The following CORO2B variants were observed in gnomAD, a reference collection of about 807,000 sequenced individuals.
The protein encoded by CORO2B is coronin-2B.
CORO2B carries 26 observed loss-of-function variants against 58.8 expected under a neutral mutation model. The ratio of observed to expected loss-of-function variants is 0.44; its 90% CI spans 0.32 to 0.61. CORO2B has a LOEUF of 0.61. Ranked by LOEUF, CORO2B falls within the 20% of genes least tolerant of loss-of-function variation. CORO2B has a pLI of 0.04. For missense variants in CORO2B, 460 were observed against 645.1 expected, an observed-to-expected ratio of 0.71 and a Z score of 3.11; for synonymous variants, 242 against 253.8, an observed-to-expected ratio of 0.95 and a Z score of 0.44.
chr15:68,536,932 T>A, the CORO2B span, among the ~76,000 whole-genome samples: 1 of 152,216 alleles, frequency 6.6e-6, no homozygotes, highest in Non-Finnish European at 1.5e-5. Flanking sequence ...GAAGTGATGC[T>A]GGCAGGGAAA....
At chr15:68,721,567 G>A (rs960623439) in intron 11 of CORO2B, among the ~76,000 whole-genome samples, 8 of 152,028 alleles carry the variant, frequency 5.3e-5, no homozygotes, top group East Asian at 1.9e-4. Flanking sequence ...TTAGCCAGGC[G>A]TGGTGGTGCG....
chr15:68,715,858 T>C (rs1893020077), intron 8 of CORO2B, among the ~76,000 whole-genome samples: 1 of 152,224 alleles, frequency 6.6e-6, no homozygotes, highest in African/African-American at 2.4e-5. Flanking sequence ...ACTAAAAGTC[T>C]TACAACCAAT....
chr15:68,534,907 G>C, the CORO2B span, among the ~76,000 whole-genome samples: 1 of 152,190 alleles, frequency 6.6e-6, no homozygotes, highest in African/African-American at 2.4e-5. Context: ...CCATGCAAAA[G>C]GGGTTTCCCT....
At chr15:68,554,274 A>C in the CORO2B span, among the ~76,000 whole-genome samples, 1 of 152,134 alleles carries the variant, frequency 6.6e-6, no homozygotes, top group Non-Finnish European at 1.5e-5. Flanking sequence ...CCATTGTGGA[A>C]GGACCCTCCA....
chr15:68,579,339 T>TGCGGGGGGC (rs1440833591), intron 1 of CORO2B, 62 bp downstream of exon 1: 4 of 1,237,876 alleles, frequency 3.2e-6, no homozygotes, highest in Non-Finnish European at 4.0e-6. Flanking sequence ...CGGGCTAGGC[T>TGCGGGGGGC]GCGGGGGGCG....
rs1468161566 is a variant in CORO2B at position 68,645,243 on chromosome 15, G to T, written c.99G>T (p.Gly33=). Residue 33 remains glycine, a synonymous_variant, in exon 2 of 12, where the codon GGG becomes GGT. Coordinates refer to ENST00000261861, the MANE Select transcript of CORO2B (RefSeq NM_006091.5). This position sits in a 1 kb window ranked among gnomAD's most constrained non-coding sequence, Gnocchi z 4.5. ...CCAACCGGGAGCACTGCTTCGATGGGATCCCCATCACCAAGAATGTGCACG... is the reference window on the plus strand; with the variant it reads ...CCAACCGGGAGCACTGCTTCGATGGTATCCCCATCACCAAGAATGTGCACG... ...KVANREHCFD[G]IPITKNVHDN... is the part of the protein sequence containing the mutation. 6.2e-6 allele frequency: 10 copies of T among 1,614,042 alleles called. No individual in the cohort carries two copies. Among genetic ancestry groups the T allele is most frequent in the Non-Finnish European group, 8.5e-6 (10 of 1,180,046 alleles).
At chr15:68,602,099 G>A (rs935473036) in intron 1 of CORO2B, among the ~76,000 whole-genome samples, 5 of 150,572 alleles carry the variant, frequency 3.3e-5, no homozygotes, top group African/African-American at 7.4e-5. Flanking sequence ...GATCTGCCTC[G>A]AATACTATCA....
the CORO2B span, among the ~76,000 whole-genome samples, chr15:68,569,151 A>G: frequency 7.9e-5 from 12 of 152,334 alleles, no homozygotes; most frequent in African/African-American, 2.4e-4. Context: ...ATTATCACCC[A>G]GAGTCCAGAG....
chr15:68,580,542 A>G (rs1241024738), intron 1 of CORO2B, among the ~76,000 whole-genome samples: 2 of 152,122 alleles, frequency 1.3e-5, no homozygotes, highest in African/African-American at 4.8e-5. Flanking sequence ...AAACTTTGCC[A>G]TTGGCCCTGG....
the CORO2B span, among the ~76,000 whole-genome samples, chr15:68,560,234 C>G: frequency 6.6e-6 from 1 of 152,070 alleles, no homozygotes; most frequent in South Asian, 2.1e-4. Flanking sequence ...TCATTGTTTT[C>G]TTCCTTTCTT....
intron 1 of CORO2B, among the ~76,000 whole-genome samples, chr15:68,609,135 G>T (rs1343564635): frequency 6.6e-6 from 1 of 152,186 alleles, no homozygotes; most frequent in African/African-American, 2.4e-5. Flanking sequence ...CTCCAGGGAT[G>T]GTTGGGATTT....
At chr15:68,686,481 T>C (rs1005578645) in intron 2 of CORO2B, among the ~76,000 whole-genome samples, 2 of 152,214 alleles carry the variant, frequency 1.3e-5, no homozygotes, top group African/African-American at 4.8e-5. Flanking sequence ...ACAAGTCACC[T>C]TGGGCAAGTC....
intron 2 of CORO2B, among the ~76,000 whole-genome samples, chr15:68,678,918 G>A (rs1157396335): frequency 6.6e-6 from 1 of 152,226 alleles, no homozygotes; most frequent in Non-Finnish European, 1.5e-5. Flanking sequence ...AGAGGCCAGG[G>A]GACCGCTGTA....
At position 68,652,414 on chromosome 15, in the gene CORO2B, G is replaced by A. The variant is rs192390483; in HGVS notation, c.216+7054G>A. Among the ~76,000 whole-genome samples the A allele has an allele frequency of 2.6e-5, 4 of 152,212 alleles. No homozygotes were observed. In the East Asian group the frequency reaches 7.7e-4, roughly 29 times the overall value. ...GATTAACCACTGGGGCCTCCCCAGGGGCACCACCCCTTTCCTGCTGCACTT... is the reference window on the plus strand; with the variant it reads ...GATTAACCACTGGGGCCTCCCCAGGAGCACCACCCCTTTCCTGCTGCACTT... On this transcript the variant is annotated intron_variant, in intron 2 of 11. Coordinates refer to ENST00000261861, the MANE Select transcript of CORO2B (RefSeq NM_006091.5).
At chr15:68,647,115 A>T (rs1901458220) in intron 2 of CORO2B, among the ~76,000 whole-genome samples, 1 of 152,234 alleles carries the variant, frequency 6.6e-6, no homozygotes, top group African/African-American at 2.4e-5. Context: ...AAAGATCTAA[A>T]CATTTAAAAT....
chr15:68,576,942 C>T (rs931673469), upstream of CORO2B, among the ~76,000 whole-genome samples: 1 of 152,136 alleles, frequency 6.6e-6, no homozygotes, highest in Non-Finnish European at 1.5e-5. Flanking sequence ...GAACTAAATG[C>T]AACAGGGAGA....
the CORO2B span, among the ~76,000 whole-genome samples, chr15:68,556,111 G>A: frequency 1.1e-4 from 16 of 152,332 alleles, no homozygotes; most frequent in African/African-American, 3.1e-4. Flanking sequence ...GACGGGGAGC[G>A]GGCCAGGCAA....
the CORO2B span, among the ~76,000 whole-genome samples, chr15:68,568,913 A>G: frequency 1.3e-5 from 2 of 152,160 alleles, no homozygotes; most frequent in East Asian, 1.9e-4. Flanking sequence ...AGGTGCAGCA[A>G]ACCAACATGG....
At chr15:68,568,837 G>A in the CORO2B span, among the ~76,000 whole-genome samples, 16 of 152,228 alleles carry the variant, frequency 1.1e-4, no homozygotes, top group Admixed American at 5.2e-4. Context: ...AGCCAGGAAG[G>A]GGAAGGAGAG....
Sources: gnomAD v4.1 joint callset for allele counts (sites outside exome capture counted in the v4.1 genomes callset) on GRCh38, gnomAD v4.1.1 for gene constraint, Gnocchi (gnomAD v3.1) non-coding constraint, MANE v1.5 for transcripts, NCBI Gene and HGNC (gene_info 2026-07-23, HGNC 2026-07-21) for gene names.